The following SLC9C1 variants were observed in gnomAD, a reference collection of about 807,000 sequenced individuals.
SLC9C1 encodes the protein solute carrier family 9 member C1.
A neutral mutation model predicts 140.9 loss-of-function variants in SLC9C1; 97 were observed. That is an observed-to-expected ratio of 0.69 (90% confidence interval 0.58 to 0.82). The LOEUF is 0.82. Among genes scored for constraint, SLC9C1 ranks in the 40% least tolerant of loss-of-function variants. The pLI, the probability that SLC9C1 is intolerant of heterozygous loss-of-function variation, is 0.00. For missense variants in SLC9C1, 1,340 were observed against 1,389.3 expected (o/e 0.96, Z 0.56); for synonymous variants, 440 against 442.6 (o/e 0.99, Z 0.07).
intron 15 of SLC9C1, among the ~76,000 whole-genome samples, chr3:112,210,124 A>T (rs1200882103): frequency 6.6e-6 from 1 of 152,210 alleles, no homozygotes; most frequent in African/African-American, 2.4e-5. Flanking sequence ...CAAGAAACTA[A>T]ATATAGAATT....
At chr3:112,219,957 C>T (rs1030731751) in intron 14 of SLC9C1, among the ~76,000 whole-genome samples, 2 of 152,118 alleles carry the variant, frequency 1.3e-5, no homozygotes, top group Non-Finnish European at 2.9e-5. Flanking sequence ...TTCCACTGTA[C>T]AATGTGCACC....
chr3:112,251,302 AG>A (rs2079450259), intron 10 of SLC9C1, among the ~76,000 whole-genome samples: 1 of 151,984 alleles, frequency 6.6e-6, no homozygotes, highest in African/African-American at 2.4e-5. Flanking sequence ...TACACAGGGA[AG>A]TGGTGTGTGA....
intron 20 of SLC9C1, among the ~76,000 whole-genome samples, chr3:112,190,453 G>C (rs2077633917): frequency 6.6e-6 from 1 of 152,110 alleles, no homozygotes; most frequent in Non-Finnish European, 1.5e-5. Context: ...AATGGCCGTT[G>C]AATTTTCTAA....
chr3:112,278,718 A>C lies in SLC9C1; in HGVS notation c.318+11T>G, dbSNP rs1288359840. The C allele has an allele frequency of 2.5e-6, 4 of 1,584,898 alleles. No homozygotes were observed. Among genetic ancestry groups the C allele is most frequent in the Non-Finnish European group, 3.4e-6 (4 of 1,171,956 alleles). ...CATGAATGAATGATATTACCAAAAA[A>C]GAATGCTTACCTGCCAAAATAACTT... On this transcript the variant is annotated intron_variant, in intron 4 of 28. Coordinates refer to ENST00000305815, the MANE Select transcript of SLC9C1 (RefSeq NM_183061.3).
At chr3:112,231,241 C>T (rs1321720598) in intron 13 of SLC9C1, 120 bp downstream of exon 13, 6 of 1,177,420 alleles carry the variant, frequency 5.1e-6, no homozygotes, top group African/African-American at 1.6e-5. Flanking sequence ...CAATGTCAAA[C>T]TTCCCTTTGC....
intron 15 of SLC9C1, among the ~76,000 whole-genome samples, chr3:112,209,497 C>G (rs2078143520): frequency 7.4e-6 from 1 of 134,280 alleles, no homozygotes. Flanking sequence ...AGCTATATTT[C>G]TTTCCCTTGA....
At chr3:112,209,313 T>A (rs1449934950) in intron 15 of SLC9C1, among the ~76,000 whole-genome samples, 1 of 152,220 alleles carries the variant, frequency 6.6e-6, no homozygotes, top group Non-Finnish European at 1.5e-5. Flanking sequence ...TGATGGGAGC[T>A]GCAGAGTTTA....
intron 28 of SLC9C1, among the ~76,000 whole-genome samples, chr3:112,146,033 C>G (rs755099004): frequency 4.6e-5 from 7 of 152,126 alleles, no homozygotes; most frequent in Non-Finnish European, 8.8e-5. Context: ...TGCCCAGTCT[C>G]AAGTATGTCT....
intron 10 of SLC9C1, among the ~76,000 whole-genome samples, chr3:112,251,123 A>G (rs1024695679): frequency 3.9e-5 from 6 of 152,168 alleles, no homozygotes; most frequent in Non-Finnish European, 8.8e-5. Context: ...ATGCACCTCT[A>G]TCATGGAGAG....
chr3:112,267,596 A>AAAAAAAAC (rs2079958320), intron 7 of SLC9C1, among the ~76,000 whole-genome samples: 1 of 138,744 alleles, frequency 7.2e-6, no homozygotes, highest in Non-Finnish European at 1.5e-5. Flanking sequence ...AAAAAAAAAA[A>AAAAAAAAC]AGAGAGAGAG....
At chr3:112,250,240 A>T (rs1424193162) in intron 10 of SLC9C1, among the ~76,000 whole-genome samples, 6 of 151,858 alleles carry the variant, frequency 4.0e-5, no homozygotes, top group African/African-American at 1.4e-4. Flanking sequence ...AAGGACGTGA[A>T]CTCATCATTT....
At chr3:112,249,857 A>G (rs2079399874) in intron 10 of SLC9C1, among the ~76,000 whole-genome samples, 1 of 151,934 alleles carries the variant, frequency 6.6e-6, no homozygotes, top group South Asian at 2.1e-4. Flanking sequence ...CTAGCAACCT[A>G]TCAATCTTAT....
chr3:112,185,930 A>T (rs2077530138), intron 20 of SLC9C1: 1 of 1,565,904 alleles, frequency 6.4e-7, no homozygotes, highest in Non-Finnish European at 8.6e-7. Context: ...GGAAATAGCC[A>T]GGCGGCAGCA....
rs987758543 is a variant in SLC9C1, at chr3:112,292,329, A to C, written c.-88+1764T>G. On this transcript the variant is annotated intron_variant, in intron 1 of 28. Coordinates refer to ENST00000305815, the MANE Select transcript of SLC9C1 (RefSeq NM_183061.3). ...GAATCCTGTTTACTCTTAAATTCAGAGATATATATGATCAAATTCAACACA... is the reference window on the plus strand; with the variant it reads ...GAATCCTGTTTACTCTTAAATTCAGCGATATATATGATCAAATTCAACACA... Among the ~76,000 whole-genome samples the C allele has an allele frequency of 3.9e-5, 6 of 152,332 alleles. No homozygotes were observed. In the East Asian group the frequency reaches 9.6e-4, roughly 24 times the overall value.
intron 7 of SLC9C1, among the ~76,000 whole-genome samples, chr3:112,269,371 A>G (rs1576488772): frequency 6.6e-6 from 1 of 152,174 alleles, no homozygotes; most frequent in African/African-American, 2.4e-5. Flanking sequence ...CAGCCCTCCA[A>G]GGTGCTAGGA....
At position 112,169,225 on chromosome 3, in the gene SLC9C1, C is replaced by T. The variant is rs1383866731; in HGVS notation, c.3023G>A (p.Arg1008Lys). The change falls in exon 24 of 29, where the codon AGA (arginine) becomes AAA (lysine). Residue 1008 changes from arginine to lysine, a missense_variant. Transcript: ENST00000305815. ...ATAAGATAAGTGTTCTCTGATTTTT[C>T]TGGCTGTAATAGCGAGTCCAAGTTT... Reference protein sequence around the residue: ...WLKLGLAITARKIREHLSYED... With the variant: ...WLKLGLAITAKKIREHLSYED... The T allele has an allele frequency of 1.9e-6, 3 of 1,613,068 alleles. No homozygotes were observed. The highest frequency in any genetic ancestry group is 8.5e-7 in the Non-Finnish European group (1 of 1,179,666).
At position 112,270,039 on chromosome 3, in the gene SLC9C1, C is replaced by T. The variant is rs2108314060; in HGVS notation, c.652G>A (p.Ala218Thr). The T allele has an allele frequency of 1.9e-6, 3 of 1,586,098 alleles. No homozygotes were observed. The highest frequency in any genetic ancestry group is 4.6e-5 in the East Asian group (2 of 43,366). Residue 218 changes from alanine (A) to threonine (T), a missense_variant, in exon 7 of 29, where the codon GCA becomes ACA. Coordinates refer to ENST00000305815, the MANE Select transcript of SLC9C1 (RefSeq NM_183061.3). ...CTTAGAATTCCAAACAAGAAACTTGCTATAATATATGAACAAATTCCACCC... is the reference window on the plus strand; with the variant it reads ...CTTAGAATTCCAAACAAGAAACTTGTTATAATATATGAACAAATTCCACCC... ...IVGGICSYII[A>T]SFLFGILSSK...
chr3:112,231,290 T>C (rs2078819831), intron 13 of SLC9C1, 71 bp downstream of exon 13: 4 of 1,568,878 alleles, frequency 2.5e-6, no homozygotes, highest in East Asian at 4.5e-5. Context: ...GATCAAGATG[T>C]CTTTATAAAG....
At chr3:112,276,272 G>A (rs542870393) in intron 5 of SLC9C1, among the ~76,000 whole-genome samples, 1 of 152,140 alleles carries the variant, frequency 6.6e-6, no homozygotes, top group Non-Finnish European at 1.5e-5. Flanking sequence ...ATACGTAGTA[G>A]ATGTAAGGGC....
Sources: allele counts gnomAD v4.1 joint callset (sites outside exome capture counted in the v4.1 genomes callset), GRCh38; gene constraint gnomAD v4.1.1; transcripts MANE v1.5; gene names NCBI Gene and HGNC (gene_info 2026-07-23, HGNC 2026-07-21).